The following DNER variants were observed in gnomAD, a reference collection of about 807,000 sequenced individuals.
DNER encodes delta and Notch-like epidermal growth factor-related receptor.
DNER carries 33 observed loss-of-function variants against 78.2 expected under a neutral mutation model. The ratio of observed to expected loss-of-function variants is 0.42; its 90% CI spans 0.32 to 0.56. DNER has a LOEUF of 0.56. Among genes scored for constraint, DNER ranks in the 20% least tolerant of loss-of-function variants. The pLI is 0.11. For missense variants in DNER, 918 were observed against 975.3 expected (o/e 0.94, Z 0.78); for synonymous variants, 417 against 384.8 (o/e 1.08, Z -0.98).
At chr2:229,609,382 T>C (rs73107327) in intron 1 of DNER, among the ~76,000 whole-genome samples, 4,378 of 152,246 alleles carry the variant, frequency 0.029, 184 homozygotes, top group African/African-American at 0.098. Flanking sequence ...TTTTTATGCT[T>C]TTTAAAGGTT....
intron 1 of DNER, among the ~76,000 whole-genome samples, chr2:229,713,012 C>G (rs2154217956): frequency 6.6e-6 from 1 of 152,282 alleles, no homozygotes; most frequent in East Asian, 1.9e-4. Context: ...GCCTTTTTCC[C>G]CATTGAAAGA....
At chr2:229,462,434 G>A (rs181003644) in intron 7 of DNER, among the ~76,000 whole-genome samples, 1 of 152,058 alleles carries the variant, frequency 6.6e-6, no homozygotes. Flanking sequence ...AATGGCTCCA[G>A]TCAGAAACCT....
At chr2:229,698,633 T>G (rs916833203) in intron 1 of DNER, among the ~76,000 whole-genome samples, 2 of 152,104 alleles carry the variant, frequency 1.3e-5, no homozygotes, top group Admixed American at 6.5e-5. Flanking sequence ...TTATTTTCCT[T>G]AGGAGACAAA....
At chr2:229,416,584 TCA>T (rs1693657086) in intron 9 of DNER, among the ~76,000 whole-genome samples, 2 of 152,112 alleles carry the variant, frequency 1.3e-5, no homozygotes, top group African/African-American at 4.8e-5. Flanking sequence ...AGCCATGAGA[TCA>T]GTACACCCCT....
intron 8 of DNER, among the ~76,000 whole-genome samples, chr2:229,439,347 G>A (rs72984771): frequency 0.021 from 3,193 of 152,278 alleles, 58 homozygotes; most frequent in Middle Eastern, 0.044. Flanking sequence ...CAATGTCTGC[G>A]CTAATGCTCC....
rs925953201 is a variant in DNER, at chr2:229,603,318, C to T, written c.277-11430G>A. On this transcript the variant is annotated intron_variant, in intron 1 of 12. Transcript: ENST00000341772. Reference sequence around the variant, plus strand: ...CTATAAGAATATTAATATTAAATGACGAGTTAATGGGTGCAGCACACCAAC... The same window carrying T: ...CTATAAGAATATTAATATTAAATGATGAGTTAATGGGTGCAGCACACCAAC... 5.9e-5 allele frequency among the ~76,000 whole-genome samples: 9 copies of T among 152,044 alleles called. No individual in the cohort carries two copies. The South Asian group carries it at 1.2e-3, about 21-fold the overall frequency.
intron 11 of DNER, among the ~76,000 whole-genome samples, chr2:229,379,621 G>T (rs929204019): frequency 3.3e-5 from 5 of 152,068 alleles, no homozygotes; most frequent in African/African-American, 1.2e-4. Flanking sequence ...CCATTTTAAA[G>T]TTATAAGTAG....
At chr2:229,545,154 G>GA (rs1426736840) in intron 5 of DNER, among the ~76,000 whole-genome samples, 1 of 152,222 alleles carries the variant, frequency 6.6e-6, no homozygotes, top group African/African-American at 2.4e-5. Context: ...AAAGGTGCTG[G>GA]AGATGGATGT....
At chr2:229,444,079 G>A (rs2106360770) in intron 8 of DNER, among the ~76,000 whole-genome samples, 1 of 152,292 alleles carries the variant, frequency 6.6e-6, no homozygotes, top group East Asian at 1.9e-4. Flanking sequence ...CACGTCTTCA[G>A]GCTTTTCAAG....
At chr2:229,455,977 A>G (rs1694563042) in intron 7 of DNER, among the ~76,000 whole-genome samples, 1 of 152,136 alleles carries the variant, frequency 6.6e-6, no homozygotes, top group Non-Finnish European at 1.5e-5. Flanking sequence ...GCTCCTAACC[A>G]GCACTCTGTG....
intron 5 of DNER, among the ~76,000 whole-genome samples, chr2:229,517,250 C>T (rs1695998362): frequency 6.6e-6 from 1 of 152,106 alleles, no homozygotes; most frequent in African/African-American, 2.4e-5. Context: ...GTTCTAGGAG[C>T]TGAGGGTCAC....
At chr2:229,479,529 A>G (rs1464140037) in intron 6 of DNER, among the ~76,000 whole-genome samples, 2 of 152,114 alleles carry the variant, frequency 1.3e-5, no homozygotes, top group Admixed American at 6.6e-5. Flanking sequence ...CCTGACCAGC[A>G]TGGCAAAACC....
At chr2:229,506,532 T>C (rs893210249) in intron 6 of DNER, among the ~76,000 whole-genome samples, 19 of 148,066 alleles carry the variant, frequency 1.3e-4, no homozygotes, top group Non-Finnish European at 2.4e-4. Flanking sequence ...TTTTTTTTTT[T>C]ATTATACTTT....
intron 12 of DNER, among the ~76,000 whole-genome samples, chr2:229,363,790 G>A (rs4973192): frequency 1 from 152,070 of 152,180 alleles, 75,980 homozygotes; most frequent in Middle Eastern, 1. Flanking sequence ...TTGGGGCTGA[G>A]TTAAACACTC....
At chr2:229,449,940 C>A (rs1694420891) in intron 7 of DNER, among the ~76,000 whole-genome samples, 1 of 152,080 alleles carries the variant, frequency 6.6e-6, no homozygotes, top group Non-Finnish European at 1.5e-5. Flanking sequence ...CACCACCACG[C>A]CTGGCTAATT....
At chr2:229,366,811 G>T in intron 12 of DNER, 62 bp downstream of exon 12, 1 of 1,602,208 alleles carries the variant, frequency 6.2e-7, no homozygotes, top group South Asian at 1.1e-5. Flanking sequence ...TGTATAATAT[G>T]ACCCTGTTCC....
rs1231515764 is a variant in DNER, at chr2:229,358,357, T to C, written c.*183A>G. The C allele has an allele frequency of 2.0e-6, 1 of 493,238 alleles. No homozygotes were observed. The highest frequency in any genetic ancestry group is 1.9e-5 in the African/African-American group (1 of 51,294). The allele number at this position is 493,238 out of a possible 1,614,324, so 30.6% of individuals were successfully genotyped here. A position where few individuals can be genotyped will look rare whatever the true frequency, so the allele number is the denominator to read the frequency against. On this transcript the variant is annotated 3_prime_UTR_variant, in exon 13 of 13. Coordinates refer to ENST00000341772, the MANE Select transcript of DNER (RefSeq NM_139072.4). ...GGTACATTAAAACATCGTCTATAGGTTTCACAAATTTTGTTTTTAAAATAT... is the reference window on the plus strand; with the variant it reads ...GGTACATTAAAACATCGTCTATAGGCTTCACAAATTTTGTTTTTAAAATAT...
At chr2:229,434,362 A>G (rs747521954) in intron 8 of DNER, among the ~76,000 whole-genome samples, 1 of 152,234 alleles carries the variant, frequency 6.6e-6, no homozygotes, top group South Asian at 2.1e-4. Context: ...TTTTAGAAGC[A>G]CACACCTTCC....
At chr2:229,478,433 GCATT>G (rs1379926203) in intron 6 of DNER, among the ~76,000 whole-genome samples, 1 of 152,186 alleles carries the variant, frequency 6.6e-6, no homozygotes, top group Non-Finnish European at 1.5e-5. Flanking sequence ...GAATGTGGAG[GCATT>G]CATTTGCAAT....
Sources: gnomAD v4.1 joint callset for allele counts (sites outside exome capture counted in the v4.1 genomes callset) on GRCh38, gnomAD v4.1.1 for gene constraint, MANE v1.5 for transcripts, NCBI Gene and HGNC (gene_info 2026-07-23, HGNC 2026-07-21) for gene names.